AKAP9: variants seen among roughly 807,000 people sequenced by gnomAD.
AKAP9 encodes A-kinase anchoring protein 9, also known as A-kinase anchor protein 9.
Under a neutral mutation model 488.5 loss-of-function variants are expected in AKAP9, and 311 were observed. The ratio of observed to expected loss-of-function variants is 0.64; its 90% CI spans 0.58 to 0.70. The LOEUF is 0.70. Among genes scored for constraint, AKAP9 ranks in the 30% least tolerant of loss-of-function variants. The probability of loss-of-function intolerance (pLI) is 0.00; values close to 1 mark genes in which losing one functional copy is unlikely to be tolerated. For missense variants in AKAP9, 4,215 were observed against 4,374.5 expected, an observed-to-expected ratio of 0.96 and a Z score of 1.03; for synonymous variants, 1,462 against 1,483.5, an observed-to-expected ratio of 0.99 and a Z score of 0.33.
Position 91,973,933 on chromosome 7 carries a change from G to C in AKAP9, c.271G>C (p.Glu91Gln). The change falls in exon 2 of 50, where the codon GAA becomes CAA. Residue 91 changes from glutamate to glutamine, a missense_variant. By Grantham distance (29) the Glu-to-Gln change is conservative. This residue lies in a region of AKAP9 where 2,361 missense variants were observed against 2,430.0 expected (regional missense o/e 0.97). Coordinates refer to ENST00000356239, the MANE Select transcript of AKAP9 (RefSeq NM_005751.5). ...STIMRTLHSG[E>Q]ITSHEQGFSV... ...AATAATGAGAACTCTACATAGTGGA[G>C]AAATAACCAGTCATGAGCAGGGCTT... 1 of 1,613,970 alleles carries C rather than the reference G, an allele frequency of 6.2e-7. No individual in the cohort carries two copies. The highest frequency in any genetic ancestry group is 8.5e-7 in the Non-Finnish European group (1 of 1,179,958).
chr7:91,962,451 T>G (rs555149951), intron 1 of AKAP9, among the ~76,000 whole-genome samples: 1 of 152,312 alleles, frequency 6.6e-6, no homozygotes, highest in Admixed American at 6.5e-5. Flanking sequence ...TGTAGTAGAA[T>G]TAAATATGCC....
rs1042092642 is a variant in AKAP9 at position 92,084,856 on chromosome 7, A to T, written c.8748A>T (p.Thr2916=). 2.5e-6 allele frequency: 4 copies of T among 1,613,368 alleles called. No homozygotes were observed. In the African/African-American group the frequency reaches 5.3e-5, roughly 22 times the overall value. Residue 2916 remains threonine (T), a synonymous_variant, in exon 35 of 50, where the codon ACA becomes ACT. Transcript: ENST00000356239. The part of the protein sequence containing the change: ...GSDWGQGIYL[T]HSQGFDIASE... ...ACTGGGGTCAGGGAATTTATCTTAC[A>T]CACAGTCAGGGATTTGACATAGCAT...
At chr7:92,015,993 G>T in intron 10 of AKAP9, 136 bp from the exon 11 acceptor site, 4 of 653,718 alleles carry the variant, frequency 6.1e-6, no homozygotes, top group Admixed American at 5.0e-5. Flanking sequence ...GATTGATAAG[G>T]GTATGGAGAG....
intron 3 of AKAP9, among the ~76,000 whole-genome samples, chr7:91,991,522 A>G (rs1366980312): frequency 6.8e-6 from 1 of 146,646 alleles, no homozygotes; most frequent in Non-Finnish European, 1.5e-5. Flanking sequence ...CCCAGGCTGT[A>G]GTGCAGTGGC....
At chr7:91,995,976 A>T in intron 7 of AKAP9, 176 bp downstream of exon 7, 1 of 620,114 alleles carries the variant, frequency 1.6e-6, no homozygotes, top group Non-Finnish European at 2.8e-6. Context: ...TTAAGATAAT[A>T]GTCATTACTG....
chr7:92,034,681 T>A (rs1005661058), intron 16 of AKAP9, among the ~76,000 whole-genome samples: 2 of 150,168 alleles, frequency 1.3e-5, no homozygotes, highest in African/African-American at 4.9e-5. Context: ...TTGTGGGTTT[T>A]TTTTTTTAGT....
intron 21 of AKAP9, among the ~76,000 whole-genome samples, chr7:92,047,848 T>C (rs1807270246): frequency 6.6e-6 from 1 of 152,210 alleles, no homozygotes; most frequent in African/African-American, 2.4e-5. Context: ...AGGATTAGTA[T>C]CATTGGTTAC....
rs79923657 is a variant in AKAP9 at position 92,041,930 on chromosome 7, A to G, written c.4918-116A>G. Reference sequence around the variant, plus strand: ...TTTAACCCCTTACGATGGAATATGAATCATAAGTAGAACCAGGGCCTGTTG... The same window carrying G: ...TTTAACCCCTTACGATGGAATATGAGTCATAAGTAGAACCAGGGCCTGTTG... On this transcript the variant is annotated intron_variant, in intron 18 of 49. Coordinates refer to ENST00000356239, the MANE Select transcript of AKAP9 (RefSeq NM_005751.5). The G allele has an allele frequency of 3.3e-3, 3,655 of 1,094,456 alleles. 11 individuals are homozygous for G. The highest frequency in any genetic ancestry group is 4.2e-3 in the Non-Finnish European group (3,193 of 752,916). The allele number at this position is 1,094,456 out of a possible 1,614,324, so 67.8% of individuals were successfully genotyped here. A position where few individuals can be genotyped will look rare whatever the true frequency, so the allele number is the denominator to read the frequency against.
At chr7:91,949,190 A>G (rs1191665994) in intron 1 of AKAP9, among the ~76,000 whole-genome samples, 1 of 151,996 alleles carries the variant, frequency 6.6e-6, no homozygotes, top group Non-Finnish European at 1.5e-5. Flanking sequence ...ATGTGTGGAG[A>G]GAGAGAGAAC....
chr7:92,035,664 A>G (rs1805075924), intron 16 of AKAP9, among the ~76,000 whole-genome samples: 2 of 152,352 alleles, frequency 1.3e-5, no homozygotes, highest in East Asian at 1.9e-4. Flanking sequence ...TTCAGACTAA[A>G]AATCCTGTTT....
chr7:92,040,785 C>G lies in AKAP9; in HGVS notation c.4804C>G (p.Gln1602Glu), dbSNP rs1805967760. ...QELVRQYQEH[Q>E]QATELLRQAH... Reference sequence around the variant, plus strand: ...ACTTGTACGACAATACCAAGAACATCAACAGGCAACGGAATTGTTAAGGCA... The same window carrying G: ...ACTTGTACGACAATACCAAGAACATGAACAGGCAACGGAATTGTTAAGGCA... The change falls in exon 18 of 50, where the codon CAA (glutamine) becomes GAA (glutamate). Residue 1602 changes from glutamine to glutamate, a missense_variant. By Grantham distance (29) the Gln-to-Glu change is conservative. Around this residue, in one of 5 missense-constraint regions of AKAP9, gnomAD observed 2,361 missense variants for 2,430.0 expected, o/e 0.97. Transcript: ENST00000356239. The G allele has an allele frequency of 2.5e-6, 4 of 1,613,532 alleles. No individual in the cohort carries two copies. Among genetic ancestry groups the G allele is most frequent in the South Asian group, 2.2e-5 (2 of 91,064 alleles).
intron 14 of AKAP9, among the ~76,000 whole-genome samples, chr7:92,029,226 A>G (rs889662808): frequency 4.0e-5 from 5 of 124,846 alleles, no homozygotes; most frequent in African/African-American, 1.6e-4. Context: ...AAACTACACA[A>G]TACAGATGTG....
At chr7:91,986,926 A>G (rs1487835934) in intron 3 of AKAP9, among the ~76,000 whole-genome samples, 4 of 151,590 alleles carry the variant, frequency 2.6e-5, no homozygotes, top group African/African-American at 9.7e-5. Context: ...AGTTATATAC[A>G]TGAATAATTA....
chr7:92,014,302 T>G lies in AKAP9; in HGVS notation c.3586T>G (p.Ser1196Ala). ...CATTGGAAAACTTCAAAAGGCAGTG[T>G]CTGAAGAATGTTCTTATTTTTTACA... ...LLIGKLQKAVSEECSYFLQTL... is the reference protein window; with the variant it reads ...LLIGKLQKAVAEECSYFLQTL... Residue 1196 changes from serine (S) to alanine (A), a missense_variant, in exon 10 of 50, where the codon TCT becomes GCT. By Grantham distance (99) the Ser-to-Ala change is moderately conservative (BLOSUM62 1). Around this residue, in one of 5 missense-constraint regions of AKAP9, gnomAD observed 2,361 missense variants for 2,430.0 expected, o/e 0.97. Coordinates refer to ENST00000356239, the MANE Select transcript of AKAP9 (RefSeq NM_005751.5). The G allele has an allele frequency of 6.2e-7, 1 of 1,613,102 alleles. No individual in the cohort carries two copies. The highest frequency in any genetic ancestry group is 8.5e-7 in the Non-Finnish European group (1 of 1,179,230).
chr7:92,015,316 A>G (rs1801356573), intron 10 of AKAP9, among the ~76,000 whole-genome samples: 1 of 151,908 alleles, frequency 6.6e-6, no homozygotes, highest in South Asian at 2.1e-4. Flanking sequence ...AATATTTTCA[A>G]TTTTTGTGTG....
In AKAP9 at chr7:92,097,567, T is replaced by G. The variant is rs1338242835; in HGVS notation, c.10399-19T>G. 1 of 1,610,588 alleles carries G rather than the reference T, an allele frequency of 6.2e-7. No homozygotes were observed. Among genetic ancestry groups the G allele is most frequent in the African/African-American group, 1.3e-5 (1 of 74,860 alleles). The stretch of plus-strand genomic sequence containing the variant: ...TTCACTTATAATTATTGTTTTCTTA[T>G]TCTGTCCAAAATTGCCAGCCAACCA... On this transcript the variant is annotated intron_variant, in intron 41 of 49. Coordinates refer to ENST00000356239, the MANE Select transcript of AKAP9 (RefSeq NM_005751.5).
chr7:92,040,733 A>G lies in AKAP9; in HGVS notation c.4752A>G (p.Glu1584=), dbSNP rs759007219. 1.1e-5 allele frequency: 17 copies of G among 1,613,808 alleles called. No individual in the cohort carries two copies. The highest frequency in any genetic ancestry group is 3.3e-5 in the Admixed American group (2 of 59,968). The stretch of plus-strand genomic sequence containing the variant: ...CTTCTAGACAACTAATGTTGAATGA[A>G]GAACAGTTGGAAGATATGAGACAGG... The part of the protein sequence containing the change: ...MDASRQLMLN[E]EQLEDMRQEL... The change falls in exon 18 of 50, where the codon GAA becomes GAG. Residue 1584 remains glutamate, a synonymous_variant. Transcript: ENST00000356239.
rs771803411 is a variant in AKAP9 at position 92,083,210 on chromosome 7, G to A, written c.8201G>A (p.Ser2734Asn). Residue 2734 changes from serine (S) to asparagine (N), a missense_variant, in exon 33 of 50, where the codon AGC becomes AAC. Ser to Asn is a conservative substitution (Grantham distance 46). Coordinates refer to ENST00000356239, the MANE Select transcript of AKAP9 (RefSeq NM_005751.5). Reference sequence around the variant, plus strand: ...ATGACATCTCTTCAGAAAGACTTAAGCCAAGTTAGGGATCACCTCGCAGAG... The same window carrying A: ...ATGACATCTCTTCAGAAAGACTTAAACCAAGTTAGGGATCACCTCGCAGAG... ...TNMTSLQKDL[S>N]QVRDHLAEAK... The A allele has an allele frequency of 1.9e-6, 3 of 1,613,890 alleles. No individual in the cohort carries two copies. The highest frequency in any genetic ancestry group is 2.2e-5 in the South Asian group (2 of 91,072).
At chr7:92,035,792 G>C (rs894004420) in intron 16 of AKAP9, among the ~76,000 whole-genome samples, 4 of 152,288 alleles carry the variant, frequency 2.6e-5, no homozygotes, top group African/African-American at 7.2e-5. Context: ...TAGGTAATCA[G>C]TGGGAGAAGC....
Sources: allele counts gnomAD v4.1 joint callset (sites outside exome capture counted in the v4.1 genomes callset), GRCh38; gene constraint gnomAD v4.1.1; regional missense constraint gnomAD v4.1.1; transcripts MANE v1.5; gene names NCBI Gene and HGNC (gene_info 2026-07-23, HGNC 2026-07-21).